CADPS: variants seen among roughly 807,000 people sequenced by gnomAD.
CADPS encodes calcium dependent secretion activator, also known as calcium-dependent secretion activator 1.
A neutral mutation model predicts 167.3 loss-of-function variants in CADPS; 57 were observed. The ratio of observed to expected loss-of-function variants is 0.34; its 90% CI spans 0.28 to 0.42. The LOEUF is 0.42. CADPS is among the 20% of genes least tolerant of loss of function. The pLI is 1.00. For synonymous variants in CADPS, 676 were observed against 635.3 expected (o/e 1.06, Z -0.96); for missense variants, 1,414 against 1,738.1 (o/e 0.81, Z 3.32).
chr3:62,527,333 T>C (rs1433207306), intron 13 of CADPS, among the ~76,000 whole-genome samples: 1 of 152,166 alleles, frequency 6.6e-6, no homozygotes, highest in Non-Finnish European at 1.5e-5. Flanking sequence ...TCCTGTGTAT[T>C]ATAGGATGTT....
intron 1 of CADPS, among the ~76,000 whole-genome samples, chr3:62,773,106 G>T (rs1398180933): frequency 6.6e-6 from 1 of 151,946 alleles, no homozygotes; most frequent in East Asian, 1.9e-4. Flanking sequence ...AATCTAGAGA[G>T]ATTAGGGCAA....
At chr3:62,499,365 G>C in intron 17 of CADPS, 97 bp from the exon 18 acceptor site, 1 of 750,940 alleles carries the variant, frequency 1.3e-6, no homozygotes, top group South Asian at 1.6e-5. Flanking sequence ...ATAGTTATCA[G>C]TTTTTTAAAA....
At chr3:62,767,503 C>T (rs1282965403) in intron 1 of CADPS, among the ~76,000 whole-genome samples, 1 of 152,040 alleles carries the variant, frequency 6.6e-6, no homozygotes, top group Non-Finnish European at 1.5e-5. Context: ...AGTGATTTTA[C>T]TGTTAGAGTC....
chr3:62,866,844 T>C (rs2081786837), intron 1 of CADPS, among the ~76,000 whole-genome samples: 1 of 152,008 alleles, frequency 6.6e-6, no homozygotes. Context: ...TTTTTCCCCA[T>C]TTTACAGATC....
chr3:62,842,571 T>A (rs1396744179), intron 1 of CADPS, among the ~76,000 whole-genome samples: 1 of 152,258 alleles, frequency 6.6e-6, no homozygotes, highest in African/African-American at 2.4e-5. Flanking sequence ...TTATTGCATG[T>A]CAGTGATGTG....
At chr3:62,743,640 T>G (rs2080807521) in intron 3 of CADPS, among the ~76,000 whole-genome samples, 1 of 152,172 alleles carries the variant, frequency 6.6e-6, no homozygotes, top group Non-Finnish European at 1.5e-5. Flanking sequence ...TCCCTATCCT[T>G]CAACCATCCT....
chr3:62,630,633 C>T (rs1044980702), intron 6 of CADPS, among the ~76,000 whole-genome samples: 1 of 152,092 alleles, frequency 6.6e-6, no homozygotes, highest in African/African-American at 2.4e-5. Flanking sequence ...GGGATTACAG[C>T]CGTGAGCCAC....
At chr3:62,604,131 G>A (rs1295154403) in intron 6 of CADPS, among the ~76,000 whole-genome samples, 2 of 151,994 alleles carry the variant, frequency 1.3e-5, no homozygotes, top group Non-Finnish European at 2.9e-5. Context: ...CACCCGGCCT[G>A]CTATACGTTT....
At chr3:62,636,854 G>C (rs1417327393) in intron 6 of CADPS, among the ~76,000 whole-genome samples, 6 of 152,026 alleles carry the variant, frequency 3.9e-5, no homozygotes, top group Non-Finnish European at 8.8e-5. Flanking sequence ...TCAAATCGAA[G>C]GCAGTCCACC....
At position 62,650,867 on chromosome 3, in the gene CADPS, C is replaced by T. The variant is rs146070021; in HGVS notation, c.1183G>A (p.Val395Met). The change falls in exon 5 of 30, where the codon GTG becomes ATG. Residue 395 changes from valine (V) to methionine (M), a missense_variant. By Grantham distance (21) the Val-to-Met change is conservative. Transcript: ENST00000383710. ...TTTACCTCCAATGAGAAAGACAGCA[C>T]GACATCTGACTTGGAGAGCTGGTTC... Reference protein sequence around the residue: ...SENQLSKSDVVLSFSLEVVIM... With the variant: ...SENQLSKSDVMLSFSLEVVIM... 189 of 1,613,852 alleles carry T rather than the reference C, an allele frequency of 1.2e-4. No individual in the cohort carries two copies. In the African/African-American group the frequency reaches 1.6e-3, roughly 13 times the overall value.
At chr3:62,861,243 T>C (rs1256224728) in intron 1 of CADPS, among the ~76,000 whole-genome samples, 1 of 152,232 alleles carries the variant, frequency 6.6e-6, no homozygotes, top group Non-Finnish European at 1.5e-5. Flanking sequence ...TTCACAATGT[T>C]ATGCAGAAGA....
At chr3:62,720,961 G>C (rs1460932947) in intron 3 of CADPS, among the ~76,000 whole-genome samples, 1 of 151,418 alleles carries the variant, frequency 6.6e-6, no homozygotes, top group Admixed American at 6.6e-5. Context: ...GGGACTACAG[G>C]TGTCCACCAC....
At chr3:62,652,399 CAAAAAAA>C (rs57075270) in intron 4 of CADPS, among the ~76,000 whole-genome samples, 12 of 120,238 alleles carry the variant, frequency 1.0e-4, no homozygotes, top group South Asian at 2.8e-4. Flanking sequence ...TCTGTGTGGC[CAAAAAAA>C]AAAAAAAAAA....
chr3:62,414,867 G>A (rs1431659520), intron 28 of CADPS, among the ~76,000 whole-genome samples: 2 of 152,114 alleles, frequency 1.3e-5, no homozygotes, highest in Non-Finnish European at 2.9e-5. Context: ...TGTCTACTGG[G>A]GGATTGTTCC....
chr3:62,542,511 C>A (rs929275777), intron 11 of CADPS, among the ~76,000 whole-genome samples: 2 of 151,970 alleles, frequency 1.3e-5, no homozygotes, highest in African/African-American at 2.4e-5. Flanking sequence ...GTCAAGTAAC[C>A]AGGGGATGTT....
chr3:62,443,490 A>G (rs2056703222), intron 27 of CADPS, among the ~76,000 whole-genome samples: 3 of 151,964 alleles, frequency 2.0e-5, no homozygotes, highest in Admixed American at 2.0e-4. Flanking sequence ...CCCCACCCAA[A>G]TCTCATCTTG....
chr3:62,603,525 C>T (rs1233250818), intron 6 of CADPS, among the ~76,000 whole-genome samples: 1 of 152,206 alleles, frequency 6.6e-6, no homozygotes, highest in African/African-American at 2.4e-5. Flanking sequence ...ACCTGCATCT[C>T]AGTGCTTATT....
At chr3:62,456,779 AC>A (rs1410366738) in intron 26 of CADPS, among the ~76,000 whole-genome samples, 95 of 148,908 alleles carry the variant, frequency 6.4e-4, no homozygotes, top group Non-Finnish European at 1.0e-3. Flanking sequence ...AAAAAAAAAA[AC>A]CCAATATAAT....
intron 17 of CADPS, among the ~76,000 whole-genome samples, chr3:62,509,286 T>A: frequency 9.5e-6 from 1 of 105,218 alleles, no homozygotes. Context: ...AGCAAGACTC[T>A]GTCTCAAAAA....
Sources: gnomAD v4.1 joint callset for allele counts (sites outside exome capture counted in the v4.1 genomes callset) on GRCh38, gnomAD v4.1.1 for gene constraint, MANE v1.5 for transcripts, NCBI Gene and HGNC (gene_info 2026-07-23, HGNC 2026-07-21) for gene names.